Variants in MGST2 observed in about 807,000 individuals in gnomAD.
MGST2 encodes glutathione peroxidase MGST2.
MGST2 carries 9 observed loss-of-function variants against 16.6 expected under a neutral mutation model. The ratio of observed to expected loss-of-function variants is 0.54; its 90% CI spans 0.33 to 0.95. The LOEUF (loss-of-function observed/expected upper bound fraction) is 0.95. Among genes scored for constraint, MGST2 ranks in the 40% least tolerant of loss-of-function variants. MGST2 has a pLI of 0.03. For synonymous variants in MGST2, 79 were observed against 68.0 expected, an observed-to-expected ratio of 1.16 and a Z score of -0.79; for missense variants, 159 against 175.1, an observed-to-expected ratio of 0.91 and a Z score of 0.52.
At chr4:139,695,978 A>G (rs990674564) in intron 3 of MGST2, among the ~76,000 whole-genome samples, 2 of 152,264 alleles carry the variant, frequency 1.3e-5, no homozygotes, top group Admixed American at 6.5e-5. Flanking sequence ...TACTGAGTAC[A>G]GTCTACTAAT....
intron 1 of MGST2, among the ~76,000 whole-genome samples, chr4:139,674,686 C>T (rs1296244716): frequency 2.0e-5 from 3 of 152,062 alleles, no homozygotes; most frequent in Non-Finnish European, 2.9e-5. Context: ...GAGGTTGAGG[C>T]AGGAGAATTG....
chr4:139,752,506 G>A, the MGST2 span, among the ~76,000 whole-genome samples: 36 of 152,220 alleles, frequency 2.4e-4, no homozygotes, highest in East Asian at 1.7e-3. Context: ...ACTCCCCACC[G>A]TCTTCTTTGG....
chr4:139,673,551 C>T (rs943777409), intron 1 of MGST2, among the ~76,000 whole-genome samples: 4 of 152,096 alleles, frequency 2.6e-5, no homozygotes, highest in Non-Finnish European at 5.9e-5. Flanking sequence ...GAACTACAGG[C>T]GTGCACCATC....
chr4:139,730,341 C>T (rs994520194), intron 5 of MGST2: 26 of 1,344,042 alleles, frequency 1.9e-5, no homozygotes, highest in Non-Finnish European at 2.2e-5. Flanking sequence ...ACTGCCACTT[C>T]CTCACAGGCA....
At chr4:139,741,100 A>G (rs909310483), downstream of MGST2, among the ~76,000 whole-genome samples, 2 of 151,988 alleles carry the variant, frequency 1.3e-5, no homozygotes, top group African/African-American at 2.4e-5. Flanking sequence ...TCCTATGAGT[A>G]GAAGCCTGCC....
At chr4:139,745,040 C>T (rs1729276892), downstream of MGST2, among the ~76,000 whole-genome samples, 1 of 152,244 alleles carries the variant, frequency 6.6e-6, no homozygotes, top group Non-Finnish European at 1.5e-5. Flanking sequence ...CTCGCTCTAA[C>T]ATTTCTCTGG....
Position 139,678,662 on chromosome 4 carries a change from C to T in MGST2, c.158+20C>T. 1 of 1,560,800 alleles carries T rather than the reference C, an allele frequency of 6.4e-7. No individual in the cohort carries two copies. The highest frequency in any genetic ancestry group is 1.7e-4 in the Middle Eastern group (1 of 5,980). On this transcript the variant is annotated intron_variant, in intron 2 of 4. Transcript: ENST00000265498. The stretch of plus-strand genomic sequence containing the variant: ...GGCACAGTAAGTAATGCTTCTTCCA[C>T]CCTTCATGGATCTGTGCCTGCCATA...
At chr4:139,696,290 C>T (rs1325065337) in intron 3 of MGST2, among the ~76,000 whole-genome samples, 1 of 152,160 alleles carries the variant, frequency 6.6e-6, no homozygotes, top group Non-Finnish European at 1.5e-5. Context: ...TCATTTCTGA[C>T]GTTTTTGCTT....
At chr4:139,750,275 A>C in the MGST2 span, among the ~76,000 whole-genome samples, 5 of 152,192 alleles carry the variant, frequency 3.3e-5, no homozygotes, top group Non-Finnish European at 7.4e-5. Context: ...CCTAGGTGGC[A>C]TTAGAAACTT....
At chr4:139,743,130 C>T (rs982400715), downstream of MGST2, among the ~76,000 whole-genome samples, 1 of 152,210 alleles carries the variant, frequency 6.6e-6, no homozygotes, top group African/African-American at 2.4e-5. Context: ...AGGCAGGCTG[C>T]TTTACAGCAT....
At chr4:139,703,380 C>T in intron 3 of MGST2, 75 bp from the exon 4 acceptor site, 1 of 1,199,098 alleles carries the variant, frequency 8.3e-7, no homozygotes, top group East Asian at 2.3e-5. Flanking sequence ...AATATTTTCT[C>T]AGTCGTCGTA....
intron 5 of MGST2, chr4:139,731,184 A>G (rs1382906019): frequency 6.2e-6 from 1 of 162,016 alleles, no homozygotes; most frequent in African/African-American, 2.4e-5. Context: ...ACGAGTTGCA[A>G]CATTTGAGAG....
intron 3 of MGST2, among the ~76,000 whole-genome samples, chr4:139,697,241 A>G (rs1553947490): frequency 6.6e-6 from 1 of 152,174 alleles, no homozygotes; most frequent in Non-Finnish European, 1.5e-5. Flanking sequence ...GAGTTAGCCT[A>G]TCCCTTCCTG....
intron 2 of MGST2, among the ~76,000 whole-genome samples, chr4:139,684,463 T>C (rs1435670896): frequency 6.6e-6 from 1 of 152,112 alleles, no homozygotes; most frequent in Non-Finnish European, 1.5e-5. Flanking sequence ...GAGATCTGAA[T>C]AAAGGAGATC....
At chr4:139,685,925 A>G (rs1731536791) in intron 2 of MGST2, among the ~76,000 whole-genome samples, 2 of 152,208 alleles carry the variant, frequency 1.3e-5, no homozygotes, top group Admixed American at 6.5e-5. Flanking sequence ...TGGCCTCCCA[A>G]AGTGCTGGGA....
At chr4:139,724,468 C>A (rs1173015504) in intron 5 of MGST2, among the ~76,000 whole-genome samples, 1 of 152,144 alleles carries the variant, frequency 6.6e-6, no homozygotes, top group African/African-American at 2.4e-5. Context: ...TACCTTAGAT[C>A]AGAAAATTTT....
chr4:139,699,097 G>A (rs1727101698), intron 3 of MGST2, among the ~76,000 whole-genome samples: 1 of 152,280 alleles, frequency 6.6e-6, no homozygotes, highest in Non-Finnish European at 1.5e-5. Context: ...TTTTTACTGC[G>A]ATACGCAATT....
intron 1 of MGST2, among the ~76,000 whole-genome samples, chr4:139,675,359 C>T (rs1313478260): frequency 1.3e-5 from 2 of 152,062 alleles, no homozygotes; most frequent in Admixed American, 1.3e-4. Flanking sequence ...GAGGCAAGAC[C>T]TACTGAAGGC....
intron 3 of MGST2, chr4:139,698,374 G>C (rs571178076): frequency 2.0e-5 from 32 of 1,606,586 alleles, no homozygotes; most frequent in Non-Finnish European, 2.6e-5. Context: ...CGAACCAGAA[G>C]TTCAGTGGAC....
Sources: gnomAD v4.1 joint callset for allele counts (sites outside exome capture counted in the v4.1 genomes callset) on GRCh38, gnomAD v4.1.1 for gene constraint, MANE v1.5 for transcripts, NCBI Gene and HGNC (gene_info 2026-07-23, HGNC 2026-07-21) for gene names.